Variants in MYO1B observed in about 807,000 individuals in gnomAD.
The protein encoded by MYO1B is myosin IB.
A neutral mutation model predicts 159.7 loss-of-function variants in MYO1B; 72 were observed. The ratio of observed to expected loss-of-function variants is 0.45; its 90% confidence interval spans 0.37 to 0.55. MYO1B has a LOEUF of 0.55. MYO1B is among the 20% of genes least tolerant of loss of function. MYO1B has a pLI of 0.00. For synonymous variants in MYO1B, 468 were observed against 473.8 expected (o/e 0.99, Z 0.16); for missense variants, 1,062 against 1,364.8 (o/e 0.78, Z 3.50).
chr2:191,402,595 G>A, intron 23 of MYO1B, 37 bp from the exon 24 acceptor site: 4 of 1,564,588 alleles, frequency 2.6e-6, no homozygotes, highest in Non-Finnish European at 3.5e-6. Flanking sequence ...TGTCTGCATT[G>A]GGCTGTCTCT....
At chr2:191,416,531 T>A in intron 30 of MYO1B, 1 of 313,462 alleles carries the variant, frequency 3.2e-6, no homozygotes, top group South Asian at 4.0e-5. Context: ...AGTCAGAGAG[T>A]AGGCCAGGCG....
intron 2 of MYO1B, among the ~76,000 whole-genome samples, chr2:191,278,861 A>G (rs1360441279): frequency 1.3e-5 from 2 of 152,226 alleles, no homozygotes; most frequent in Non-Finnish European, 1.5e-5. Flanking sequence ...TGAGATGGAG[A>G]TAGGCAGAAT....
intron 1 of MYO1B, among the ~76,000 whole-genome samples, chr2:191,251,915 C>T (rs1686147699): frequency 6.6e-6 from 1 of 152,154 alleles, no homozygotes; most frequent in African/African-American, 2.4e-5. Flanking sequence ...TTCCAGTGTA[C>T]ACCTTCTCTC....
intron 7 of MYO1B, among the ~76,000 whole-genome samples, chr2:191,352,148 A>G (rs949355375): frequency 2.6e-5 from 4 of 152,236 alleles, no homozygotes; most frequent in Admixed American, 6.5e-5. Context: ...AACCCCTGCC[A>G]AACTTGTTAG....
At chr2:191,350,411 A>T in intron 7 of MYO1B, 186 bp downstream of exon 7, 1 of 400,396 alleles carries the variant, frequency 2.5e-6, no homozygotes, top group Non-Finnish European at 4.4e-6. Context: ...CTTTTTAAAG[A>T]TCACTTAACA....
chr2:191,423,888 A>G lies in MYO1B; in HGVS notation c.3339A>G (p.Gly1113=). The G allele has an allele frequency of 6.2e-7, 1 of 1,614,050 alleles. No homozygotes were observed. Among genetic ancestry groups the G allele is most frequent in the Non-Finnish European group, 8.5e-7 (1 of 1,179,932 alleles). Residue 1113 remains glycine (G), a synonymous_variant, in exon 31 of 31, where the codon GGA becomes GGG. Transcript: ENST00000392318. Reference sequence around the variant, plus strand: ...AAGTATGTGTGAAGTTTATTCAGGGAAACCAGAAAAATGGGAGTGTCCCAA... The same window carrying G: ...AAGTATGTGTGAAGTTTATTCAGGGGAACCAGAAAAATGGGAGTGTCCCAA... ...QDKVCVKFIQ[G]NQKNGSVPTC...
chr2:191,365,177 T>C lies in MYO1B; in HGVS notation c.1032+901T>C, dbSNP rs1340398406. 2.6e-5 allele frequency among the ~76,000 whole-genome samples: 4 copies of C among 152,234 alleles called. No individual in the cohort carries two copies. The East Asian group carries it at 7.7e-4, about 29-fold the overall frequency. ...CCCCTTTCACTAAAACCCTTTGTGC[T>C]ATGGCTTACGCATTTTACCACCAGT... On this transcript the variant is annotated intron_variant, in intron 11 of 30. Coordinates refer to ENST00000392318, the MANE Select transcript of MYO1B (RefSeq NM_001130158.3).
intron 3 of MYO1B, among the ~76,000 whole-genome samples, chr2:191,300,060 T>C (rs1689215750): frequency 6.6e-6 from 1 of 152,230 alleles, no homozygotes; most frequent in South Asian, 2.1e-4. Context: ...TAGTGTATTT[T>C]CCTGCATTTT....
chr2:191,423,260 T>C (rs1307858667), intron 30 of MYO1B, among the ~76,000 whole-genome samples: 2 of 152,204 alleles, frequency 1.3e-5, no homozygotes, highest in African/African-American at 4.8e-5. Context: ...GTTTATAGCA[T>C]GTTACTGTAC....
intron 20 of MYO1B, among the ~76,000 whole-genome samples, chr2:191,395,216 G>A (rs1559230699): frequency 6.6e-6 from 1 of 152,210 alleles, no homozygotes; most frequent in Non-Finnish European, 1.5e-5. Context: ...CTGTTCTACA[G>A]CTACATCTGT....
chr2:191,390,944 C>T (rs867638061), intron 18 of MYO1B, among the ~76,000 whole-genome samples: 1 of 152,254 alleles, frequency 6.6e-6, no homozygotes. Context: ...ACAGTGTCAG[C>T]ATTACTGCTA....
rs752874982 is a variant in MYO1B at position 191,423,934 on chromosome 2, C to T, written c.3385C>T (p.Arg1129Cys). The T allele has an allele frequency of 9.9e-6, 16 of 1,613,638 alleles. No individual in the cohort carries two copies. Among genetic ancestry groups the T allele is most frequent in the African/African-American group, 1.3e-5 (1 of 74,886 alleles). The change falls in exon 31 of 31, where the codon CGT (arginine) becomes TGT (cysteine). Residue 1129 changes from arginine to cysteine, a missense_variant. Coordinates refer to ENST00000392318, the MANE Select transcript of MYO1B (RefSeq NM_001130158.3). ...SVPTCKRKNN[R>C]LLEVAVP ...CCCAACATGTAAACGAAAAAACAAC[C>T]GTCTCCTTGAAGTTGCTGTCCCTTA...
Position 191,414,354 on chromosome 2 carries a change from T to C in MYO1B, c.3007-163T>C, listed in dbSNP as rs2126177793. Among the ~76,000 whole-genome samples the C allele has an allele frequency of 2.0e-5, 3 of 152,338 alleles. No homozygotes were observed. In the South Asian group the frequency reaches 6.2e-4, roughly 32 times the overall value. On this transcript the variant is annotated intron_variant, in intron 28 of 30. Transcript: ENST00000392318. ...AATTTTGCTTGTTCTCTGACATTTT[T>C]ATGAAATAAAACATATTATTTATGT... is the stretch of plus-strand genomic sequence containing the variant.
intron 3 of MYO1B, 87 bp from the exon 4 acceptor site, chr2:191,329,848 G>C: frequency 3.0e-6 from 3 of 1,002,434 alleles, no homozygotes; most frequent in African/African-American, 1.6e-5. Context: ...ATATCACAGT[G>C]GCCCTTTAAG....
intron 1 of MYO1B, among the ~76,000 whole-genome samples, chr2:191,256,787 CA>C (rs995773026): frequency 6.6e-6 from 1 of 152,092 alleles, no homozygotes; most frequent in African/African-American, 2.4e-5. Context: ...AGTGAGAAGC[CA>C]GGGGTAGGCC....
chr2:191,405,916 T>A (rs1268773924), intron 24 of MYO1B, among the ~76,000 whole-genome samples: 1 of 152,268 alleles, frequency 6.6e-6, no homozygotes, highest in Non-Finnish European at 1.5e-5. Context: ...AACAAGAGAA[T>A]CAACCTGTCC....
intron 6 of MYO1B, among the ~76,000 whole-genome samples, chr2:191,347,414 C>T (rs1418861048): frequency 2.0e-5 from 3 of 152,102 alleles, no homozygotes; most frequent in Non-Finnish European, 4.4e-5. Context: ...GAAGTGTGGG[C>T]GATAGAAGTA....
Position 191,350,228 on chromosome 2 carries a change from G to A in MYO1B, c.562+3G>A, listed in dbSNP as rs1692824883. On this transcript the variant is annotated splice_donor_region_variant and intron_variant, in intron 7 of 30. Transcript: ENST00000392318. ...ACTAGGAGGAGTAATAAGTAACTGT[G>A]AGTATTTTTCTTCAGTCCTTGTAAA... The A allele has an allele frequency of 1.2e-6, 2 of 1,609,090 alleles. No homozygotes were observed. The highest frequency in any genetic ancestry group is 1.7e-5 in the Admixed American group (1 of 59,952).
intron 1 of MYO1B, among the ~76,000 whole-genome samples, chr2:191,262,180 C>G (rs1686852962): frequency 6.6e-6 from 1 of 152,064 alleles, no homozygotes. Context: ...AGATGAATTC[C>G]TTGATATACT....
Sources: gnomAD v4.1 joint callset for allele counts (sites outside exome capture counted in the v4.1 genomes callset) on GRCh38, gnomAD v4.1.1 for gene constraint, MANE v1.5 for transcripts, NCBI Gene and HGNC (gene_info 2026-07-23, HGNC 2026-07-21) for gene names.